PTPRG: variants seen among roughly 807,000 people sequenced by gnomAD.
The protein encoded by PTPRG is receptor-type tyrosine-protein phosphatase gamma.
A neutral mutation model predicts 165.3 loss-of-function variants in PTPRG; 102 were observed. That is an observed-to-expected ratio of 0.62 (90% CI 0.53 to 0.73). The LOEUF is 0.73. PTPRG is among the 30% of genes least tolerant of loss of function. The probability of loss-of-function intolerance (pLI) is 0.00; values close to 1 mark genes in which losing one functional copy is unlikely to be tolerated. For synonymous variants in PTPRG, 675 were observed against 669.5 expected, an observed-to-expected ratio of 1.01 and a Z score of -0.13; for missense variants, 1,866 against 1,861.4, an observed-to-expected ratio of 1.00 and a Z score of -0.05.
intron 4 of PTPRG, among the ~76,000 whole-genome samples, chr3:62,020,448 T>C (rs2041663948): frequency 6.6e-6 from 1 of 152,254 alleles, no homozygotes; most frequent in Admixed American, 6.5e-5. Context: ...TTGTTTATGG[T>C]CTTTTGATTA....
chr3:61,925,743 T>TA (rs35919403), intron 2 of PTPRG: 103,503 of 328,122 alleles, frequency 0.32, 9,556 homozygotes, highest in African/African-American at 0.45. Flanking sequence ...ACTCTATCTT[T>TA]AAAAAAAAAA....
chr3:62,202,426 G>A (rs1007272760), intron 11 of PTPRG, among the ~76,000 whole-genome samples: 1 of 152,148 alleles, frequency 6.6e-6, no homozygotes, highest in African/African-American at 2.4e-5. Context: ...AGAGTAGCAT[G>A]GAAAGCCCTG....
At chr3:61,798,097 A>G (rs1352670904) in intron 2 of PTPRG, among the ~76,000 whole-genome samples, 1 of 152,216 alleles carries the variant, frequency 6.6e-6, no homozygotes, top group Non-Finnish European at 1.5e-5. Context: ...GCTCGTCTGC[A>G]TTTTAATACA....
chr3:61,918,984 G>A (rs1279780997), intron 2 of PTPRG, among the ~76,000 whole-genome samples: 2 of 152,114 alleles, frequency 1.3e-5, no homozygotes, highest in Non-Finnish European at 2.9e-5. Flanking sequence ...GGTTGTGAGG[G>A]TGGGACTAGG....
Position 61,734,341 on chromosome 3 carries a change from C to G in PTPRG, c.86-14537C>G, listed in dbSNP as rs2032635242. Among the ~76,000 whole-genome samples, 3 of 152,278 alleles carry G rather than the reference C, an allele frequency of 2.0e-5. No individual in the cohort carries two copies. In the South Asian group the frequency reaches 6.2e-4, roughly 32 times the overall value. The stretch of plus-strand genomic sequence containing the variant: ...ATAGATTAACCAGAATATGAATGGA[C>G]AGGCATGCAAGAAAAACTGGAGGTT... On this transcript the variant is annotated intron_variant, in intron 1 of 29. Coordinates refer to ENST00000474889, the MANE Select transcript of PTPRG (RefSeq NM_002841.4).
chr3:61,779,019 C>G (rs1016999852), intron 2 of PTPRG, among the ~76,000 whole-genome samples: 3 of 152,022 alleles, frequency 2.0e-5, no homozygotes, highest in Non-Finnish European at 4.4e-5. Flanking sequence ...CAATAAAATC[C>G]TAAGGATGAT....
chr3:61,628,158 T>C (rs1285729016), intron 1 of PTPRG, among the ~76,000 whole-genome samples: 4 of 152,224 alleles, frequency 2.6e-5, no homozygotes, highest in Non-Finnish European at 5.9e-5. Context: ...TGGATTTAGC[T>C]GTGTGCTAGG....
chr3:62,014,173 A>T (rs1353372582), intron 4 of PTPRG, among the ~76,000 whole-genome samples: 1 of 152,160 alleles, frequency 6.6e-6, no homozygotes, highest in Non-Finnish European at 1.5e-5. Flanking sequence ...TCAAGTTTGA[A>T]AGAAAGTCTA....
chr3:61,874,394 A>G (rs981833982), intron 2 of PTPRG, among the ~76,000 whole-genome samples: 1 of 152,206 alleles, frequency 6.6e-6, no homozygotes, highest in African/African-American at 2.4e-5. Flanking sequence ...TAAATTGGGT[A>G]TTTAAAGGCA....
intron 2 of PTPRG, among the ~76,000 whole-genome samples, chr3:61,899,736 GTATA>G (rs974402539): frequency 3.3e-5 from 5 of 152,210 alleles, no homozygotes; most frequent in African/African-American, 1.2e-4. Flanking sequence ...ACAGGCATCT[GTATA>G]TAGTTTGAAA....
intron 4 of PTPRG, among the ~76,000 whole-genome samples, chr3:62,025,193 C>CT (rs2041778955): frequency 6.6e-6 from 1 of 152,088 alleles, no homozygotes; most frequent in African/African-American, 2.4e-5. Flanking sequence ...CACTACCCAC[C>CT]TCAGTGCTTA....
intron 1 of PTPRG, among the ~76,000 whole-genome samples, chr3:61,664,651 G>A (rs899446098): frequency 6.6e-5 from 10 of 152,120 alleles, no homozygotes; most frequent in African/African-American, 2.4e-4. Flanking sequence ...GCAACATGGT[G>A]AAAACCCCAC....
intron 9 of PTPRG, among the ~76,000 whole-genome samples, chr3:62,192,909 G>A (rs1404554782): frequency 6.6e-6 from 1 of 152,054 alleles, no homozygotes; most frequent in South Asian, 2.1e-4. Context: ...AGAGTCCTCC[G>A]GGCCCATTCA....
rs909480850 is a variant in PTPRG at position 62,168,178 on chromosome 3, A to C, written c.1033+15A>C. 12 of 1,595,474 alleles carry C rather than the reference A, an allele frequency of 7.5e-6. No individual in the cohort carries two copies. The highest frequency in any genetic ancestry group is 9.4e-6 in the Non-Finnish European group (11 of 1,169,786). ...AGCCTCTAAAGGTATATTTGGCTTA[A>C]GTGCCTTGCCCAGAGGAAGATTCCT... On this transcript the variant is annotated intron_variant, in intron 8 of 29. Coordinates refer to ENST00000474889, the MANE Select transcript of PTPRG (RefSeq NM_002841.4).
chr3:62,276,062 T>C (rs1702223176), intron 24 of PTPRG, 96 bp downstream of exon 24: 2 of 860,756 alleles, frequency 2.3e-6, no homozygotes, highest in African/African-American at 1.7e-5. Flanking sequence ...ATAGCACCCT[T>C]CAATTGTACT....
chr3:61,823,305 C>T (rs1391088808), intron 2 of PTPRG, among the ~76,000 whole-genome samples: 1 of 152,228 alleles, frequency 6.6e-6, no homozygotes, highest in Non-Finnish European at 1.5e-5. Context: ...ATTCTCCTGC[C>T]TCAGCCTCCT....
chr3:61,883,934 T>G (rs2037959896), intron 2 of PTPRG, among the ~76,000 whole-genome samples: 1 of 152,226 alleles, frequency 6.6e-6, no homozygotes, highest in Non-Finnish European at 1.5e-5. Flanking sequence ...CAGGCTGTTC[T>G]TGAACTCCTG....
chr3:61,746,984 C>T (rs972903872), intron 1 of PTPRG, among the ~76,000 whole-genome samples: 2 of 152,136 alleles, frequency 1.3e-5, no homozygotes, highest in Admixed American at 1.3e-4. Flanking sequence ...ATCAGCTGAG[C>T]ATAGTGGCAT....
chr3:62,167,025 T>G (rs1486258201), intron 7 of PTPRG, among the ~76,000 whole-genome samples: 1 of 152,166 alleles, frequency 6.6e-6, no homozygotes, highest in Admixed American at 6.5e-5. Flanking sequence ...TTGGGCACCC[T>G]GATTTTTTTC....
Sources: allele counts gnomAD v4.1 joint callset (sites outside exome capture counted in the v4.1 genomes callset), GRCh38; gene constraint gnomAD v4.1.1; transcripts MANE v1.5; gene names NCBI Gene and HGNC (gene_info 2026-07-23, HGNC 2026-07-21).